The following CBLL1 variants were observed in gnomAD, a reference collection of about 807,000 sequenced individuals.
CBLL1 encodes the protein E3 ubiquitin-protein ligase Hakai.
In CBLL1, 4 loss-of-function variants were observed where a neutral mutation model predicts 44.9. The observed-to-expected ratio is 0.09, with a 90% CI of 0.04 to 0.20. The LOEUF (loss-of-function observed/expected upper bound fraction) is 0.20. Ranked by LOEUF, CBLL1 falls within the 10% of genes least tolerant of loss-of-function variation. CBLL1 has a pLI of 1.00. For synonymous variants in CBLL1, 235 were observed against 202.2 expected, an observed-to-expected ratio of 1.16 and a Z score of -1.38; for missense variants, 569 against 636.7, an observed-to-expected ratio of 0.89 and a Z score of 1.14.
chr7:107,756,823 T>C (rs74618034), intron 5 of CBLL1, among the ~76,000 whole-genome samples: 2,438 of 152,280 alleles, frequency 0.016, 59 homozygotes, highest in African/African-American at 0.056. Flanking sequence ...ACCTCACTTA[T>C]GTGGTCCTTA....
chr7:107,759,043 G>T lies in CBLL1; in HGVS notation c.1341G>T (p.Gly447=). The change falls in exon 6 of 6, where the codon GGG becomes GGT. Residue 447 remains glycine (G), a synonymous_variant. Transcript: ENST00000440859. ...TGAGCCCTCCATTTACACAACCAGG[G>T]GGAATGAGTCCTGGTATATGGCCTG... ...GTLSPPFTQP[G]GMSPGIWPAP... is the part of the protein sequence containing the mutation. 6.2e-7 allele frequency: 1 copy of T among 1,613,792 alleles called. No individual in the cohort carries two copies. The highest frequency in any genetic ancestry group is 1.1e-5 in the South Asian group (1 of 91,052).
intron 1 of CBLL1, among the ~76,000 whole-genome samples, chr7:107,748,358 G>T (rs576424203): frequency 6.6e-6 from 1 of 152,230 alleles, no homozygotes; most frequent in East Asian, 1.9e-4. Flanking sequence ...TGCGCTTAAG[G>T]AATAATCACA....
intron 1 of CBLL1, among the ~76,000 whole-genome samples, chr7:107,746,921 T>TA (rs35594491): frequency 0.43 from 65,114 of 151,928 alleles, 14,139 homozygotes; most frequent in East Asian, 0.62. Flanking sequence ...TTATTCAAGA[T>TA]AAAAAATCCC....
In CBLL1 at chr7:107,748,917, G is replaced by A; in HGVS notation, c.51G>A (p.Leu17=). 1 of 1,613,408 alleles carries A rather than the reference G, an allele frequency of 6.2e-7. No homozygotes were observed. The highest frequency in any genetic ancestry group is 8.5e-7 in the Non-Finnish European group (1 of 1,179,654). ...AAGGCACTAATAGTTCTGGATCCTT[G>A]GGTGGTCTTGATGTTCGCAGACGAA... ...ELQGTNSSGS[L]GGLDVRRRIP... Residue 17 remains leucine, a synonymous_variant, in exon 2 of 6, where the codon TTG becomes TTA. Transcript: ENST00000440859.
intron 5 of CBLL1, 121 bp downstream of exon 5, chr7:107,755,612 C>T (rs1236875654): frequency 2.1e-6 from 1 of 483,410 alleles, no homozygotes; most frequent in East Asian, 3.5e-5. Flanking sequence ...ACAGACATGG[C>T]TAATCTTTTT....
In CBLL1 at chr7:107,758,978, C is replaced by G. The variant is rs1316939524; in HGVS notation, c.1276C>G (p.Pro426Ala). Residue 426 changes from proline to alanine, a missense_variant, in exon 6 of 6, where the codon CCT becomes GCT. Pro to Ala is a conservative substitution (Grantham distance 27). Transcript: ENST00000440859. This position sits in a 1 kb window ranked among gnomAD's most constrained non-coding sequence, Gnocchi z 4.2. ...VTAPPPHHYN[P>A]NSLPQFTEDQ... ...TGCACCCCCTCCTCACCATTATAATCCTAACTCATTACCCCAGTTCACTGA... is the reference window on the plus strand; with the variant it reads ...TGCACCCCCTCCTCACCATTATAATGCTAACTCATTACCCCAGTTCACTGA... The G allele has an allele frequency of 6.2e-7, 1 of 1,613,918 alleles. No homozygotes were observed. Among genetic ancestry groups the G allele is most frequent in the South Asian group, 1.1e-5 (1 of 91,056 alleles).
At position 107,758,387 on chromosome 7, in the gene CBLL1, A is replaced by G. The variant is rs773144350; in HGVS notation, c.685A>G (p.Met229Val). The change falls in exon 6 of 6, where the codon ATG becomes GTG. Residue 229 changes from methionine to valine, a missense_variant. Physicochemically the swap from Met to Val is conservative, Grantham distance 21 (BLOSUM62 1). This residue lies in a region of CBLL1 where 111 missense variants were observed against 113.0 expected (regional missense o/e 0.98). Coordinates refer to ENST00000440859, the MANE Select transcript of CBLL1 (RefSeq NM_024814.4). This position sits in a 1 kb window ranked among gnomAD's most constrained non-coding sequence, Gnocchi z 4.2. ...TATAATGCCACCAGACAAGCACCAT[A>G]TGAGCCATATTCCGCCAAAGCAGCA... Reference protein sequence around the residue: ...RFIMPPDKHHMSHIPPKQHIM... With the variant: ...RFIMPPDKHHVSHIPPKQHIM... The G allele has an allele frequency of 3.1e-6, 5 of 1,613,984 alleles. No individual in the cohort carries two copies. In the East Asian group the frequency reaches 1.1e-4, roughly 36 times the overall value.
At chr7:107,746,834 A>G (rs1405505330) in intron 1 of CBLL1, among the ~76,000 whole-genome samples, 3 of 152,222 alleles carry the variant, frequency 2.0e-5, no homozygotes, top group Non-Finnish European at 4.4e-5. Context: ...TGGTCATTCT[A>G]AGAATTAGCA....
Position 107,758,994 on chromosome 7 carries a change from A to C in CBLL1, c.1292A>C (p.Gln431Pro). 6.2e-7 allele frequency: 1 copy of C among 1,613,922 alleles called. No homozygotes were observed. Among genetic ancestry groups the C allele is most frequent in the Non-Finnish European group, 8.5e-7 (1 of 1,179,972 alleles). The change falls in exon 6 of 6, where the codon CAG becomes CCG. Residue 431 changes from glutamine (Q) to proline (P), a missense_variant. Around this residue, in one of 5 missense-constraint regions of CBLL1, gnomAD observed 228 missense variants for 253.2 expected, o/e 0.90. Coordinates refer to ENST00000440859, the MANE Select transcript of CBLL1 (RefSeq NM_024814.4). This position sits in a 1 kb window ranked among gnomAD's most constrained non-coding sequence, Gnocchi z 4.2. The part of the protein sequence containing the change: ...PHHYNPNSLP[Q>P]FTEDQGTLSP... ...CATTATAATCCTAACTCATTACCCCAGTTCACTGAAGATCAAGGAACTCTG... is the reference window on the plus strand; with the variant it reads ...CATTATAATCCTAACTCATTACCCCCGTTCACTGAAGATCAAGGAACTCTG...
intron 4 of CBLL1, chr7:107,754,261 A>T (rs1324816290): frequency 1.1e-5 from 2 of 180,856 alleles, no homozygotes; most frequent in South Asian, 3.8e-4. Flanking sequence ...ATTCTAGTTT[A>T]TTAAGGAAAT....
chr7:107,744,167 G>C lies in CBLL1; in HGVS notation c.4G>C (p.Asp2His). 1 of 1,555,290 alleles carries C rather than the reference G, an allele frequency of 6.4e-7. No individual in the cohort carries two copies. Among genetic ancestry groups the C allele is most frequent in the Non-Finnish European group, 8.7e-7 (1 of 1,149,090 alleles). Residue 2 changes from aspartate (D) to histidine (H), a missense_variant, in exon 1 of 6, where the codon GAT (aspartate) becomes CAT (histidine). This residue lies in a region of CBLL1 where 209 missense variants were observed against 202.8 expected (regional missense o/e 1.03). Coordinates refer to ENST00000440859, the MANE Select transcript of CBLL1 (RefSeq NM_024814.4). M[D>H]HTDNELQGTN... ...ACTGTGCTCTGCGAGCCGAATCATG[G>C]ATCACACTGGTAAGGAGGCGGAGGC...
rs1793129030 is a variant in CBLL1, at chr7:107,748,803, G to T, written c.14-77G>T. 9.2e-6 allele frequency: 11 copies of T among 1,193,588 alleles called. No individual in the cohort carries two copies. The South Asian group carries it at 1.6e-4, about 18-fold the overall frequency. 73.9% of individuals were successfully genotyped at this position (1,193,588 alleles called of 1,614,324 possible). ...TTTAACCTTGATAATGTTAGGTATG[G>T]TGTTTTAATACCTGTGGCAGAATAA... On this transcript the variant is annotated intron_variant, in intron 1 of 5. Coordinates refer to ENST00000440859, the MANE Select transcript of CBLL1 (RefSeq NM_024814.4).
chr7:107,754,827 T>G (rs1295824148), intron 4 of CBLL1, among the ~76,000 whole-genome samples: 7 of 149,030 alleles, frequency 4.7e-5, no homozygotes, highest in Non-Finnish European at 7.4e-5. Flanking sequence ...TCTTCAGGAG[T>G]TTTTGACCTG....
At chr7:107,750,497 G>A (rs545920594) in intron 2 of CBLL1, among the ~76,000 whole-genome samples, 1 of 151,980 alleles carries the variant, frequency 6.6e-6, no homozygotes, top group Non-Finnish European at 1.5e-5. Flanking sequence ...GTGGAGACGG[G>A]GTTTCACTGT....
chr7:107,761,324 T>C lies in CBLL1; in HGVS notation c.*2146T>C, dbSNP rs1167228773. The C allele has an allele frequency of 6.6e-6, 1 of 151,952 alleles. No individual in the cohort carries two copies. Among genetic ancestry groups the C allele is most frequent in the Non-Finnish European group, 1.5e-5 (1 of 67,840 alleles). The allele number at this position is 151,952 out of a possible 1,614,324, so 9.4% of individuals were successfully genotyped here. On this transcript the variant is annotated 3_prime_UTR_variant, in exon 6 of 6. Coordinates refer to ENST00000440859, the MANE Select transcript of CBLL1 (RefSeq NM_024814.4). ...TTGAATTAAGAGAACCCTTGTAGAG[T>C]TTTTAAAAAATGATTTATTTTCAAT...
chr7:107,753,561 A>G (rs1793400621), intron 3 of CBLL1, 50 bp downstream of exon 3: 4 of 1,045,500 alleles, frequency 3.8e-6, no homozygotes, highest in South Asian at 3.5e-5. Context: ...TATTTTAAGT[A>G]TTAAATACTT....
rs560650858 is a variant in CBLL1 at position 107,748,397 on chromosome 7, T to A, written c.14-483T>A. On this transcript the variant is annotated intron_variant, in intron 1 of 5. Coordinates refer to ENST00000440859, the MANE Select transcript of CBLL1 (RefSeq NM_024814.4). ...CTTAACTTCATTTTCAAACGCATTG[T>A]TTAATTTTGCCTTCATCAGTATTAG... Among the ~76,000 whole-genome samples the A allele has an allele frequency of 2.0e-5, 3 of 152,372 alleles. No homozygotes were observed. The East Asian group carries it at 5.8e-4, about 29-fold the overall frequency.
chr7:107,750,149 A>G (rs900508800), intron 2 of CBLL1, among the ~76,000 whole-genome samples: 4 of 151,432 alleles, frequency 2.6e-5, no homozygotes, highest in East Asian at 2.0e-4. Context: ...GGGTCTTGCT[A>G]TGTTGCCCAG....
rs1000362527 is a variant in CBLL1 at position 107,760,339 on chromosome 7, CT to C, written c.*1165del. The C allele has an allele frequency of 6.6e-6, 1 of 152,216 alleles. No individual in the cohort carries two copies. The highest frequency in any genetic ancestry group is 2.4e-5 in the African/African-American group (1 of 41,446). The allele number at this position is 152,216 out of a possible 1,614,324, so 9.4% of individuals were successfully genotyped here. A position where few individuals can be genotyped will look rare whatever the true frequency, so the allele number is the denominator to read the frequency against. The stretch of plus-strand genomic sequence containing the variant: ...TTTCCTCTAACTTGAAATTTAAAAA[CT>C]TTTATTTCCTATTCCTTTTGTCGGT... On this transcript the variant is annotated 3_prime_UTR_variant, in exon 6 of 6. Coordinates refer to ENST00000440859, the MANE Select transcript of CBLL1 (RefSeq NM_024814.4).
Sources: gnomAD v4.1 joint callset for allele counts (sites outside exome capture counted in the v4.1 genomes callset) on GRCh38, gnomAD v4.1.1 for gene constraint, gnomAD v4.1.1 regional missense constraint, Gnocchi (gnomAD v3.1) non-coding constraint, MANE v1.5 for transcripts, NCBI Gene and HGNC (gene_info 2026-07-23, HGNC 2026-07-21) for gene names.